The following OR7C1 variants were observed in gnomAD, a reference collection of about 807,000 sequenced individuals.
OR7C1 encodes the protein olfactory receptor family 7 subfamily C member 1, also known as olfactory receptor 7C1.
For missense variants in OR7C1, 324 were observed against 383.3 expected, an observed-to-expected ratio of 0.85 and a Z score of 1.29; for synonymous variants, 152 against 160.7, an observed-to-expected ratio of 0.95 and a Z score of 0.41.
chr19:14,805,883 T>A (rs1464463623), intron 2 of OR7C1, among the ~76,000 whole-genome samples: 2 of 151,914 alleles, frequency 1.3e-5, no homozygotes, highest in Non-Finnish European at 2.9e-5. Context: ...TATATAAGAC[T>A]GCTATCTAAA....
At chr19:14,810,665 G>A (rs1207127459) in intron 1 of OR7C1, among the ~76,000 whole-genome samples, 1 of 151,710 alleles carries the variant, frequency 6.6e-6, no homozygotes, top group South Asian at 2.1e-4. Context: ...GATTACAGGC[G>A]TGAGCCATGG....
chr19:14,816,543 T>C (rs1256362625), intron 1 of OR7C1, among the ~76,000 whole-genome samples: 1 of 152,206 alleles, frequency 6.6e-6, no homozygotes, highest in Non-Finnish European at 1.5e-5. Flanking sequence ...TTTTGGACTC[T>C]TGGACTTACA....
chr19:14,821,979 TATC>T (rs1259602119), intron 1 of OR7C1, among the ~76,000 whole-genome samples: 1 of 152,236 alleles, frequency 6.6e-6, no homozygotes, highest in Non-Finnish European at 1.5e-5. Flanking sequence ...GTGCCTGGCT[TATC>T]ATTTAATGTA....
At chr19:14,831,933 G>A (rs2044837388) in intron 1 of OR7C1, among the ~76,000 whole-genome samples, 1 of 152,080 alleles carries the variant, frequency 6.6e-6, no homozygotes, top group African/African-American at 2.4e-5. Flanking sequence ...TGTTGAGATA[G>A]GGTCTTACTC....
chr19:14,803,900 G>A (rs1204331305), intron 2 of OR7C1, among the ~76,000 whole-genome samples: 3 of 151,882 alleles, frequency 2.0e-5, no homozygotes, highest in Non-Finnish European at 2.9e-5. Context: ...TAGTAGAGAC[G>A]GGGTTTCACC....
intron 1 of OR7C1, among the ~76,000 whole-genome samples, chr19:14,823,563 C>T (rs1489001113): frequency 1.3e-5 from 2 of 152,158 alleles, no homozygotes; most frequent in Non-Finnish European, 2.9e-5. Context: ...TAACCATCAC[C>T]CAAATAGTGT....
intron 1 of OR7C1, chr19:14,828,417 C>T: frequency 1.4e-6 from 1 of 705,358 alleles, no homozygotes; most frequent in Non-Finnish European, 2.3e-6. Flanking sequence ...ATTAGGAACT[C>T]CTTCCCACTC....
At chr19:14,827,078 A>C (rs2044774600) in intron 1 of OR7C1, 1 of 442,898 alleles carries the variant, frequency 2.3e-6, no homozygotes, top group African/African-American at 2.0e-5. Flanking sequence ...GAAAGTAGGA[A>C]AACAACAAAG....
At chr19:14,812,171 A>G (rs2044693876) in intron 1 of OR7C1, among the ~76,000 whole-genome samples, 1 of 152,248 alleles carries the variant, frequency 6.6e-6, no homozygotes, top group Admixed American at 6.5e-5. Flanking sequence ...ACTGCTCAGC[A>G]GAAATATGCA....
At chr19:14,827,500 C>T (rs767296017) in intron 1 of OR7C1, 10 of 1,614,068 alleles carry the variant, frequency 6.2e-6, no homozygotes, top group Admixed American at 5.0e-5. Context: ...AATAAGGAGA[C>T]AACTGAGAGG....
At chr19:14,800,211 G>A in intron 4 of OR7C1, 45 bp downstream of exon 4, 1 of 1,456,714 alleles carries the variant, frequency 6.9e-7, no homozygotes, top group Middle Eastern at 2.2e-4. Context: ...TGGAAATTTG[G>A]TTACATTTAA....
chr19:14,806,688 T>A (rs750291819), intron 2 of OR7C1, among the ~76,000 whole-genome samples: 6 of 151,988 alleles, frequency 3.9e-5, no homozygotes, highest in Non-Finnish European at 8.8e-5. Context: ...TCCAGCTTCA[T>A]CCATGTCCCT....
chr19:14,827,149 A>G (rs1328962218), intron 1 of OR7C1: 6 of 910,986 alleles, frequency 6.6e-6, no homozygotes, highest in Non-Finnish European at 7.6e-6. Context: ...CTTAAATTCT[A>G]CAAGACCAGT....
chr19:14,810,664 C>T (rs995000207), intron 1 of OR7C1, among the ~76,000 whole-genome samples: 19 of 151,686 alleles, frequency 1.3e-4, no homozygotes, highest in African/African-American at 3.6e-4. Context: ...GGATTACAGG[C>T]GTGAGCCATG....
intron 2 of OR7C1, among the ~76,000 whole-genome samples, chr19:14,809,069 A>G (rs979294797): frequency 3.9e-5 from 6 of 151,988 alleles, no homozygotes; most frequent in African/African-American, 1.2e-4. Context: ...AAATAAATCA[A>G]TGGTGTGTTT....
At chr19:14,814,641 T>C (rs190015424) in intron 1 of OR7C1, among the ~76,000 whole-genome samples, 310 of 152,218 alleles carry the variant, frequency 2.0e-3, no homozygotes, top group African/African-American at 7.2e-3. Flanking sequence ...GCCAGGCTGG[T>C]CTCGAACTCC....
chr19:14,805,265 C>T (rs1263235755), intron 2 of OR7C1, among the ~76,000 whole-genome samples: 1 of 151,740 alleles, frequency 6.6e-6, no homozygotes, highest in Admixed American at 6.6e-5. Flanking sequence ...AGAGCTTCCT[C>T]ACACTCAAGG....
At chr19:14,817,554 G>A (rs2044721651) in intron 1 of OR7C1, among the ~76,000 whole-genome samples, 2 of 152,136 alleles carry the variant, frequency 1.3e-5, no homozygotes, top group Non-Finnish European at 2.9e-5. Flanking sequence ...CCATCCAGGT[G>A]AGCCCAGGAG....
At chr19:14,814,480 A>G (rs531539168) in intron 1 of OR7C1, among the ~76,000 whole-genome samples, 2 of 151,978 alleles carry the variant, frequency 1.3e-5, no homozygotes, top group South Asian at 2.1e-4. Context: ...CTGGAGTGCA[A>G]TGGTGCGATC....
Sources: allele counts gnomAD v4.1 joint callset (sites outside exome capture counted in the v4.1 genomes callset), GRCh38; gene constraint gnomAD v4.1.1; transcripts MANE v1.5; gene names NCBI Gene and HGNC (gene_info 2026-07-23, HGNC 2026-07-21).